The following UBE2G1 variants were observed in gnomAD, a reference collection of about 807,000 sequenced individuals.
The protein encoded by UBE2G1 is ubiquitin conjugating enzyme E2 G1.
In UBE2G1, 5 loss-of-function variants were observed where a neutral mutation model predicts 22.7. The observed-to-expected ratio is 0.22, with a 90% CI of 0.12 to 0.46. UBE2G1 has a LOEUF of 0.46. UBE2G1 is among the 20% of genes least tolerant of loss of function. The pLI, the probability that UBE2G1 is intolerant of heterozygous loss-of-function variation, is 0.99. For synonymous variants in UBE2G1, 74 were observed against 67.5 expected (o/e 1.10, Z -0.47); for missense variants, 88 against 203.9 (o/e 0.43, Z 3.46).
At chr17:4,303,800 C>T (rs1969217833) in intron 2 of UBE2G1, among the ~76,000 whole-genome samples, 1 of 152,160 alleles carries the variant, frequency 6.6e-6, no homozygotes, top group South Asian at 2.1e-4. Flanking sequence ...TTTTCTATAT[C>T]TACCCAAGGC....
At position 4,363,167 on chromosome 17, in the gene UBE2G1, G is replaced by A. The variant is rs565578833; in HGVS notation, c.46+3104C>T. Among the ~76,000 whole-genome samples, 6 of 152,096 alleles carry A rather than the reference G, an allele frequency of 3.9e-5. No individual in the cohort carries two copies. The South Asian group carries it at 8.3e-4, about 21-fold the overall frequency. ...TTTTATTTCACTGTGTGTAGTTATC[G>A]AATCTTTCCAATAAATTTGATATGT... is the stretch of plus-strand genomic sequence containing the variant. On this transcript the variant is annotated intron_variant, in intron 1 of 5. Coordinates refer to ENST00000396981, the MANE Select transcript of UBE2G1 (RefSeq NM_003342.5).
intron 1 of UBE2G1, among the ~76,000 whole-genome samples, chr17:4,311,600 G>T (rs72829383): frequency 2.6e-5 from 4 of 152,116 alleles, no homozygotes; most frequent in Admixed American, 1.3e-4. Flanking sequence ...TCCAGAGACA[G>T]AAAGTAGATT....
At chr17:4,283,219 A>G (rs746069254) in intron 4 of UBE2G1, among the ~76,000 whole-genome samples, 1 of 152,248 alleles carries the variant, frequency 6.6e-6, no homozygotes, top group Admixed American at 6.5e-5. Context: ...AAATATACCA[A>G]TAAGACATTC....
chr17:4,294,556 T>C (rs986313515), intron 3 of UBE2G1, among the ~76,000 whole-genome samples: 2 of 152,210 alleles, frequency 1.3e-5, no homozygotes, highest in African/African-American at 4.8e-5. Context: ...CTCTTTCTTT[T>C]TACCAGAAGG....
At chr17:4,326,788 CATGA>C (rs1969507623) in intron 1 of UBE2G1, among the ~76,000 whole-genome samples, 1 of 152,192 alleles carries the variant, frequency 6.6e-6, no homozygotes, top group African/African-American at 2.4e-5. Flanking sequence ...CATTCTACAA[CATGA>C]ATGAACTTGA....
chr17:4,325,664 TC>T (rs1969497706), intron 1 of UBE2G1, among the ~76,000 whole-genome samples: 1 of 152,138 alleles, frequency 6.6e-6, no homozygotes, highest in Non-Finnish European at 1.5e-5. Context: ...GCCGAAACAT[TC>T]TTGAAAACAA....
At chr17:4,315,107 A>G (rs1969350639) in intron 1 of UBE2G1, among the ~76,000 whole-genome samples, 1 of 152,116 alleles carries the variant, frequency 6.6e-6, no homozygotes, top group African/African-American at 2.4e-5. Context: ...ATATTTACAG[A>G]CAAATGATCA....
In UBE2G1 at chr17:4,281,542, CA is replaced by C. The variant is rs529933148; in HGVS notation, c.*37+1255del. 1.4e-4 allele frequency among the ~76,000 whole-genome samples: 22 copies of C among 152,224 alleles called. No individual in the cohort carries two copies. In the South Asian group the frequency reaches 4.6e-3, roughly 32 times the overall value. ...ATTTCGGTTTCTCCCTCAACCCCCA[CA>C]AATCAATAGGTCTTTTATTGAGTAA... is the stretch of plus-strand genomic sequence containing the variant. On this transcript the variant is annotated intron_variant, in intron 5 of 5. Transcript: ENST00000396981.
intron 5 of UBE2G1, among the ~76,000 whole-genome samples, chr17:4,280,780 C>T (rs1014575083): frequency 6.6e-6 from 1 of 151,856 alleles, no homozygotes; most frequent in Non-Finnish European, 1.5e-5. Context: ...ACAACAGGCG[C>T]ACGCCACTGT....
chr17:4,349,774 C>T (rs1227409296), intron 1 of UBE2G1, among the ~76,000 whole-genome samples: 3 of 150,576 alleles, frequency 2.0e-5, no homozygotes, highest in Non-Finnish European at 4.4e-5. Context: ...ACCCGGGAGG[C>T]GGAGCTTGCA....
intron 1 of UBE2G1, among the ~76,000 whole-genome samples, chr17:4,364,823 C>G (rs1409327196): frequency 3.9e-5 from 6 of 152,032 alleles, no homozygotes; most frequent in African/African-American, 1.5e-4. Flanking sequence ...CTAAGGTGAT[C>G]CGCCAGCCTC....
chr17:4,305,257 T>C (rs1969237217), intron 2 of UBE2G1, among the ~76,000 whole-genome samples: 1 of 152,188 alleles, frequency 6.6e-6, no homozygotes, highest in African/African-American at 2.4e-5. Flanking sequence ...TTTTAAGCAT[T>C]CTATGAAGTA....
intron 1 of UBE2G1, among the ~76,000 whole-genome samples, chr17:4,355,263 A>C (rs1597267027): frequency 6.8e-6 from 1 of 148,076 alleles, no homozygotes; most frequent in Non-Finnish European, 1.5e-5. Flanking sequence ...TCGGCCTCCC[A>C]AAGTTCTGGG....
chr17:4,288,812 T>G (rs1969001036), intron 4 of UBE2G1, among the ~76,000 whole-genome samples: 1 of 152,202 alleles, frequency 6.6e-6, no homozygotes, highest in East Asian at 1.9e-4. Context: ...GTAATGCATA[T>G]GTGAATTAGC....
At chr17:4,307,345 T>C (rs1969259314) in intron 1 of UBE2G1, among the ~76,000 whole-genome samples, 1 of 152,194 alleles carries the variant, frequency 6.6e-6, no homozygotes, top group Non-Finnish European at 1.5e-5. Flanking sequence ...CTTCTACTGG[T>C]ATCCAGCCAG....
At chr17:4,337,316 G>C (rs1463008607) in intron 1 of UBE2G1, among the ~76,000 whole-genome samples, 1 of 110,586 alleles carries the variant, frequency 9.0e-6, no homozygotes, top group Non-Finnish European at 1.7e-5. Flanking sequence ...ACTCTAATCT[G>C]TGTAAAAAAA....
intron 3 of UBE2G1, among the ~76,000 whole-genome samples, chr17:4,294,429 AAAAAAAAAAAAGAAAGAAAC>A (rs1307711301): frequency 0.032 from 684 of 21,622 alleles, 15 homozygotes; most frequent in African/African-American, 0.036. Flanking sequence ...AAAAAAAAAA[AAAAAAAAAAAAGAAAGAAAC>A]GAAAAGAAAA....
chr17:4,281,947 G>A (rs879295424), intron 5 of UBE2G1, among the ~76,000 whole-genome samples: 14 of 151,590 alleles, frequency 9.2e-5, no homozygotes, highest in African/African-American at 1.5e-4. Flanking sequence ...AAGGTGGATG[G>A]GTGCCTTCCA....
At position 4,302,278 on chromosome 17, in the gene UBE2G1, A is replaced by G. The variant is rs1598186529; in HGVS notation, c.149+4743T>C. On this transcript the variant is annotated intron_variant, in intron 2 of 5. Coordinates refer to ENST00000396981, the MANE Select transcript of UBE2G1 (RefSeq NM_003342.5). The stretch of plus-strand genomic sequence containing the variant: ...CCAGTATTTGGGCTCCCAGTGGATG[A>G]CACGGGGAAGAACAGCATCTGGGTT... 3 of 472,990 alleles carry G rather than the reference A, an allele frequency of 6.3e-6. No homozygotes were observed. In the East Asian group the frequency reaches 1.7e-4, roughly 26 times the overall value. The allele number at this position is 472,990 out of a possible 1,614,324, so 29.3% of individuals were successfully genotyped here.
Sources: gnomAD v4.1 joint callset for allele counts (sites outside exome capture counted in the v4.1 genomes callset) on GRCh38, gnomAD v4.1.1 for gene constraint, MANE v1.5 for transcripts, NCBI Gene and HGNC (gene_info 2026-07-23, HGNC 2026-07-21) for gene names.